Variants in MTMR7 observed in about 807,000 individuals in gnomAD.
MTMR7 encodes phosphatidylinositol-3-phosphate phosphatase MTMR7.
MTMR7 carries 76 observed loss-of-function variants against 81.2 expected under a neutral mutation model. That is an observed-to-expected ratio of 0.94 (90% confidence interval 0.78 to 1.13). MTMR7 has a LOEUF of 1.13. Among genes scored for constraint, MTMR7 ranks in the 50% most tolerant of loss-of-function variants. The probability of loss-of-function intolerance (pLI) is 0.00; values close to 1 mark genes in which losing one functional copy is unlikely to be tolerated. For synonymous variants in MTMR7, 372 were observed against 289.8 expected (o/e 1.28, Z -2.88); for missense variants, 1,044 against 820.0 (o/e 1.27, Z -3.34).
intron 1 of MTMR7, among the ~76,000 whole-genome samples, chr8:17,385,214 T>G (rs1384249369): frequency 6.6e-6 from 1 of 152,080 alleles, no homozygotes; most frequent in Non-Finnish European, 1.5e-5. Flanking sequence ...GTGTTGGAGG[T>G]GGGGCCTGGT....
chr8:17,393,552 A>C (rs1821163457), intron 1 of MTMR7, among the ~76,000 whole-genome samples: 1 of 152,202 alleles, frequency 6.6e-6, no homozygotes. Flanking sequence ...AATTTAAAAA[A>C]CAAACAGGAG....
At chr8:17,351,895 G>T (rs981644423) in intron 4 of MTMR7, among the ~76,000 whole-genome samples, 2 of 152,100 alleles carry the variant, frequency 1.3e-5, no homozygotes, top group African/African-American at 4.8e-5. Flanking sequence ...ACTCTCAAGT[G>T]GAAATTAAAA....
intron 1 of MTMR7, among the ~76,000 whole-genome samples, chr8:17,373,746 G>C (rs1270235835): frequency 3.3e-5 from 5 of 152,124 alleles, no homozygotes; most frequent in African/African-American, 1.2e-4. Flanking sequence ...AAGTATCAGA[G>C]AAATGTGGAA....
intron 6 of MTMR7, among the ~76,000 whole-genome samples, chr8:17,336,183 T>A (rs1316030711): frequency 1.3e-5 from 2 of 151,984 alleles, no homozygotes; most frequent in Non-Finnish European, 2.9e-5. Context: ...AGATGCGCCT[T>A]GGCTTGAGTC....
chr8:17,367,186 T>C (rs113240322), intron 3 of MTMR7, among the ~76,000 whole-genome samples: 1,865 of 151,996 alleles, frequency 0.012, 31 homozygotes, highest in African/African-American at 0.042. Flanking sequence ...AATCATGAGA[T>C]TTTTTCTAAA....
At chr8:17,409,318 G>C (rs1000017661) in intron 1 of MTMR7, among the ~76,000 whole-genome samples, 4 of 152,130 alleles carry the variant, frequency 2.6e-5, no homozygotes, top group African/African-American at 9.6e-5. Context: ...AAATTACCTA[G>C]GTGTAGCGGC....
At chr8:17,357,283 T>C (rs1365336440) in intron 4 of MTMR7, among the ~76,000 whole-genome samples, 1 of 152,218 alleles carries the variant, frequency 6.6e-6, no homozygotes, top group Non-Finnish European at 1.5e-5. Flanking sequence ...AGAACTAATA[T>C]TTGCTAACAT....
At chr8:17,330,209 G>C (rs1399201938) in intron 7 of MTMR7, among the ~76,000 whole-genome samples, 1 of 152,216 alleles carries the variant, frequency 6.6e-6, no homozygotes, top group Non-Finnish European at 1.5e-5. Context: ...AAGTAACTGA[G>C]AGCAAACGTG....
chr8:17,379,210 G>A lies in MTMR7; in HGVS notation c.25-5970C>T, dbSNP rs1470253652. Among the ~76,000 whole-genome samples the A allele has an allele frequency of 3.9e-5, 6 of 152,268 alleles. No individual in the cohort carries two copies. In the East Asian group the frequency reaches 7.7e-4, roughly 20 times the overall value. ...GGGGCACTGGTGGTCTTAGCAGGAG[G>A]GGTCCTGGAAGCATGAGGATCATAA... On this transcript the variant is annotated intron_variant, in intron 1 of 13. Coordinates refer to ENST00000180173, the MANE Select transcript of MTMR7 (RefSeq NM_004686.5).
intron 7 of MTMR7, among the ~76,000 whole-genome samples, 199 bp from the exon 8 acceptor site, chr8:17,313,600 C>T (rs1817906163): frequency 6.6e-6 from 1 of 152,188 alleles, no homozygotes; most frequent in Non-Finnish European, 1.5e-5. Flanking sequence ...TTTCTACCTT[C>T]TCTGGTCACA....
At chr8:17,387,864 T>C (rs1238326823) in intron 1 of MTMR7, among the ~76,000 whole-genome samples, 1 of 152,210 alleles carries the variant, frequency 6.6e-6, no homozygotes, top group Non-Finnish European at 1.5e-5. Flanking sequence ...CTTGATGATT[T>C]TGGATAAGCC....
chr8:17,331,360 A>G lies in MTMR7; in HGVS notation c.733-78T>C, dbSNP rs1055929502. 4.9e-6 allele frequency: 7 copies of G among 1,414,232 alleles called. No individual in the cohort carries two copies. In the African/African-American group the frequency reaches 8.7e-5, roughly 17 times the overall value. 87.6% of individuals were successfully genotyped at this position (1,414,232 alleles called of 1,614,324 possible). The stretch of plus-strand genomic sequence containing the variant: ...ATGAAACAACCAAAACATTTCATGG[A>G]TACCCAATCAAAGCATTCAGAATGA... On this transcript the variant is annotated intron_variant, in intron 6 of 13. Coordinates refer to ENST00000180173, the MANE Select transcript of MTMR7 (RefSeq NM_004686.5).
intron 3 of MTMR7, among the ~76,000 whole-genome samples, chr8:17,367,290 T>C (rs571305846): frequency 2.0e-5 from 3 of 152,212 alleles, no homozygotes; most frequent in African/African-American, 7.2e-5. Flanking sequence ...TATTTAAGTG[T>C]TGAAGTACCC....
chr8:17,371,468 C>A (rs565895504), intron 2 of MTMR7, among the ~76,000 whole-genome samples: 1 of 152,278 alleles, frequency 6.6e-6, no homozygotes, highest in Admixed American at 6.5e-5. Context: ...TTGCACAAGT[C>A]CAGGTATGGA....
intron 4 of MTMR7, among the ~76,000 whole-genome samples, chr8:17,357,762 A>T (rs1819940245): frequency 6.6e-6 from 1 of 152,216 alleles, no homozygotes; most frequent in Non-Finnish European, 1.5e-5. Context: ...AGCAAGAGAC[A>T]ATTTGGAAGG....
chr8:17,381,503 G>C (rs1030068733), intron 1 of MTMR7, among the ~76,000 whole-genome samples: 3 of 152,154 alleles, frequency 2.0e-5, no homozygotes, highest in African/African-American at 7.2e-5. Context: ...CAGGGTTCCA[G>C]AATCATCTCA....
At chr8:17,338,311 T>C (rs1479486075) in intron 6 of MTMR7, among the ~76,000 whole-genome samples, 1 of 152,214 alleles carries the variant, frequency 6.6e-6, no homozygotes, top group Non-Finnish European at 1.5e-5. Context: ...GGAATATGCC[T>C]GGCTCTACAG....
At chr8:17,400,357 G>A (rs530415214) in intron 1 of MTMR7, among the ~76,000 whole-genome samples, 1 of 152,184 alleles carries the variant, frequency 6.6e-6, no homozygotes, top group South Asian at 2.1e-4. Flanking sequence ...ATAAGTTAGT[G>A]AGCTGTAAGA....
intron 1 of MTMR7, among the ~76,000 whole-genome samples, chr8:17,375,982 T>C (rs930070214): frequency 6.6e-6 from 1 of 152,212 alleles, no homozygotes; most frequent in African/African-American, 2.4e-5. Context: ...CACAACACTG[T>C]ATACACTGCC....
Sources: gnomAD v4.1 joint callset for allele counts (sites outside exome capture counted in the v4.1 genomes callset) on GRCh38, gnomAD v4.1.1 for gene constraint, MANE v1.5 for transcripts, NCBI Gene and HGNC (gene_info 2026-07-23, HGNC 2026-07-21) for gene names.